Variants in SYNE2 observed in about 807,000 individuals in gnomAD.
The protein encoded by SYNE2 is spectrin repeat containing nuclear envelope protein 2, also known as nesprin-2.
A neutral mutation model predicts 856.3 loss-of-function variants in SYNE2; 431 were observed. The ratio of observed to expected loss-of-function variants is 0.50; its 90% CI spans 0.47 to 0.55. The LOEUF is 0.55. Ranked by LOEUF, SYNE2 falls within the 20% of genes least tolerant of loss-of-function variation. The pLI is 0.00. For missense variants in SYNE2, 8,129 were observed against 8,023.2 expected (o/e 1.01, Z -0.50); for synonymous variants, 2,923 against 2,872.3 (o/e 1.02, Z -0.56).
At chr14:64,143,350 T>C (rs2098155494) in intron 82 of SYNE2, among the ~76,000 whole-genome samples, 1 of 152,138 alleles carries the variant, frequency 6.6e-6, no homozygotes. Context: ...AATGACAGAG[T>C]TCCTTAAGGT....
At chr14:63,949,134 T>A (rs2096106951) in intron 6 of SYNE2, among the ~76,000 whole-genome samples, 1 of 152,090 alleles carries the variant, frequency 6.6e-6, no homozygotes, top group African/African-American at 2.4e-5. Context: ...TTTACGTTTA[T>A]GGATTTATCT....
In SYNE2 at chr14:64,213,690, A is replaced by C. The variant is rs377413287; in HGVS notation, c.19057-504A>C. The stretch of plus-strand genomic sequence containing the variant: ...CAATTTCTCATTTTTAAGTACAGCC[A>C]CTTAGAGTCATTTTTCTTAGACTGA... On this transcript the variant is annotated intron_variant, in intron 105 of 115. Transcript: ENST00000555002. Among the ~76,000 whole-genome samples, 19 of 152,260 alleles carry C rather than the reference A, an allele frequency of 1.2e-4. No individual in the cohort carries two copies. In the East Asian group the frequency reaches 1.5e-3, roughly 12 times the overall value.
intron 73 of SYNE2, among the ~76,000 whole-genome samples, chr14:64,127,381 C>A (rs559870581): frequency 4.0e-5 from 6 of 151,760 alleles, no homozygotes; most frequent in African/African-American, 9.7e-5. Flanking sequence ...TCAAGACCAG[C>A]CTGGGCAACA....
intron 1 of SYNE2, among the ~76,000 whole-genome samples, chr14:63,797,376 G>A (rs961276548): frequency 5.9e-5 from 9 of 152,132 alleles, no homozygotes; most frequent in African/African-American, 2.2e-4. Flanking sequence ...GGGTGACAGA[G>A]TGAGACTCAG....
At chr14:64,002,159 ATTAT>A in intron 29 of SYNE2, 78 bp downstream of exon 29, 1 of 1,182,832 alleles carries the variant, frequency 8.5e-7, no homozygotes, top group Non-Finnish European at 1.3e-6. Context: ...TGGATTTTTA[ATTAT>A]TCATGATAGC....
intron 85 of SYNE2, among the ~76,000 whole-genome samples, chr14:64,155,795 G>T (rs2098281030): frequency 6.6e-6 from 1 of 152,194 alleles, no homozygotes; most frequent in African/African-American, 2.4e-5. Flanking sequence ...GGATGTGGTG[G>T]CATGCACCTG....
chr14:64,102,420 C>T lies in SYNE2; in HGVS notation c.12492+378C>T, dbSNP rs539640287. ...AAACCTTTAAAATGCCCATTTGTAG[C>T]TCAGACAGGAATAAAAATAAGGATA... On this transcript the variant is annotated intron_variant, in intron 64 of 115. Coordinates refer to ENST00000555002, the MANE Select transcript of SYNE2 (RefSeq NM_182914.3). Among the ~76,000 whole-genome samples, 14 of 151,372 alleles carry T rather than the reference C, an allele frequency of 9.2e-5. No individual in the cohort carries two copies. The South Asian group carries it at 2.9e-3, about 32-fold the overall frequency.
chr14:63,976,502 A>G, intron 11 of SYNE2, 61 bp from the exon 12 acceptor site: 1 of 1,556,738 alleles, frequency 6.4e-7, no homozygotes, highest in Non-Finnish European at 8.8e-7. Context: ...ACTGTATGTG[A>G]AGAAATAAAC....
rs2098667373 is a variant in SYNE2, at chr14:64,216,522, A to G, written c.19542+135A>G. On this transcript the variant is annotated intron_variant, in intron 108 of 115. Coordinates refer to ENST00000555002, the MANE Select transcript of SYNE2 (RefSeq NM_182914.3). ...TTTGAGTTGGTTTTCTTATGGTGACAGTGTCTCTGTTGAGCTGTCCATACT... is the reference window on the plus strand; with the variant it reads ...TTTGAGTTGGTTTTCTTATGGTGACGGTGTCTCTGTTGAGCTGTCCATACT... 4.9e-6 allele frequency: 5 copies of G among 1,012,190 alleles called. No homozygotes were observed. In the Admixed American group the frequency reaches 7.2e-5, roughly 15 times the overall value. The allele number at this position is 1,012,190 out of a possible 1,614,324, so 62.7% of individuals were successfully genotyped here.
intron 1 of SYNE2, among the ~76,000 whole-genome samples, chr14:63,878,234 G>T (rs935746417): frequency 6.6e-6 from 1 of 152,008 alleles, no homozygotes; most frequent in African/African-American, 2.4e-5. Flanking sequence ...ATAAGAAATG[G>T]CACCTGTGGC....
intron 96 of SYNE2, among the ~76,000 whole-genome samples, 158 bp downstream of exon 96, chr14:64,177,641 G>C (rs2098441012): frequency 6.6e-6 from 1 of 152,170 alleles, no homozygotes; most frequent in Non-Finnish European, 1.5e-5. Context: ...GTCTCTTAAG[G>C]AATTAGAATT....
At chr14:63,909,749 G>C (rs1375423260) in intron 2 of SYNE2, among the ~76,000 whole-genome samples, 1 of 152,188 alleles carries the variant, frequency 6.6e-6, no homozygotes, top group African/African-American at 2.4e-5. Flanking sequence ...GCTGAAGCAG[G>C]AGAATTGTTT....
intron 1 of SYNE2, among the ~76,000 whole-genome samples, chr14:63,777,633 G>GGA (rs766372552): frequency 4.6e-5 from 7 of 152,140 alleles, no homozygotes; most frequent in Non-Finnish European, 8.8e-5. Context: ...CTGTAATAGT[G>GGA]GAGTAGTTTG....
chr14:63,971,579 ATT>A (rs751997735), intron 11 of SYNE2, among the ~76,000 whole-genome samples: 24 of 142,344 alleles, frequency 1.7e-4, no homozygotes, highest in East Asian at 2.0e-4. Context: ...CCATGTTATC[ATT>A]TTTTTTTTTT....
At chr14:64,043,522 G>T (rs912717992) in intron 45 of SYNE2, among the ~76,000 whole-genome samples, 1 of 151,664 alleles carries the variant, frequency 6.6e-6, no homozygotes, top group Non-Finnish European at 1.5e-5. Context: ...GGTTTTGTGG[G>T]CTGGGCCCAG....
At chr14:63,797,484 T>G (rs1311091669) in intron 1 of SYNE2, among the ~76,000 whole-genome samples, 2 of 152,226 alleles carry the variant, frequency 1.3e-5, no homozygotes, top group South Asian at 4.1e-4. Flanking sequence ...GGAGCCTAAT[T>G]TCTTATCTAT....
chr14:63,871,424 T>G (rs867553527), intron 1 of SYNE2, among the ~76,000 whole-genome samples: 7 of 152,114 alleles, frequency 4.6e-5, no homozygotes, highest in South Asian at 4.2e-4. Flanking sequence ...GTCAGGCTGG[T>G]CTCGAACTCC....
chr14:64,225,615 G>A lies in SYNE2; in HGVS notation c.*89G>A. ...CCCAGACCAATCTGAGTGACTTAGT[G>A]TTGGCAAGGTCCCGGGACCTGTGCA... On this transcript the variant is annotated 3_prime_UTR_variant, in exon 116 of 116. Transcript: ENST00000555002. The A allele has an allele frequency of 7.1e-7, 1 of 1,405,936 alleles. No individual in the cohort carries two copies. The allele number at this position is 1,405,936 out of a possible 1,614,324, so 87.1% of individuals were successfully genotyped here.
At chr14:64,214,167 T>A in intron 105 of SYNE2, 27 bp from the exon 106 acceptor site, 1 of 1,614,206 alleles carries the variant, frequency 6.2e-7, no homozygotes, top group Non-Finnish European at 8.5e-7. Context: ...AGTTGATTAA[T>A]TCTAACAACT....
Sources: gnomAD v4.1 joint callset for allele counts (sites outside exome capture counted in the v4.1 genomes callset) on GRCh38, gnomAD v4.1.1 for gene constraint, MANE v1.5 for transcripts, NCBI Gene and HGNC (gene_info 2026-07-23, HGNC 2026-07-21) for gene names.